The following MAP3K13 variants were observed in gnomAD, a reference collection of about 807,000 sequenced individuals.
MAP3K13 encodes mitogen-activated protein kinase kinase kinase 13, also known as leucine zipper-bearing kinase.
In MAP3K13, 52 loss-of-function variants were observed where a neutral mutation model predicts 104.0. The observed-to-expected ratio is 0.50, with a 90% CI of 0.40 to 0.63. The LOEUF is 0.63. MAP3K13 is among the 20% of genes least tolerant of loss of function. The probability of loss-of-function intolerance (pLI) is 0.00; values close to 1 mark genes in which losing one functional copy is unlikely to be tolerated. For missense variants in MAP3K13, 914 were observed against 1,218.5 expected (o/e 0.75, Z 3.72); for synonymous variants, 394 against 442.2 (o/e 0.89, Z 1.37).
intron 7 of MAP3K13, among the ~76,000 whole-genome samples, chr3:185,454,625 AGATATATATATGAGATATATATAT>A (rs1435136920): frequency 2.4e-5 from 1 of 42,056 alleles, no homozygotes; most frequent in Non-Finnish European, 6.1e-5. Flanking sequence ...TATATATATG[AGATATATATATGAGATATATATAT>A]GATATATATA....
chr3:185,453,700 C>T (rs1405142227), intron 7 of MAP3K13, among the ~76,000 whole-genome samples: 3 of 149,088 alleles, frequency 2.0e-5, no homozygotes, highest in East Asian at 2.0e-4. Flanking sequence ...ACCTGGGAGG[C>T]GGAGGATGCA....
At chr3:185,311,362 C>G (rs1445876691) in intron 2 of MAP3K13, among the ~76,000 whole-genome samples, 2 of 152,264 alleles carry the variant, frequency 1.3e-5, no homozygotes, top group Admixed American at 1.3e-4. Context: ...ATAAACCCAT[C>G]AGATCTCATA....
intron 7 of MAP3K13, among the ~76,000 whole-genome samples, chr3:185,458,872 C>T (rs1417585403): frequency 1.3e-5 from 2 of 152,320 alleles, no homozygotes; most frequent in Admixed American, 6.5e-5. Context: ...AACAAAGCAA[C>T]CGATTTCAAT....
chr3:185,310,739 A>G (rs1032772922), intron 2 of MAP3K13, among the ~76,000 whole-genome samples: 4 of 152,248 alleles, frequency 2.6e-5, no homozygotes, highest in African/African-American at 7.2e-5. Context: ...AAGGGAAAAA[A>G]AGATATATGA....
intron 2 of MAP3K13, among the ~76,000 whole-genome samples, chr3:185,434,117 A>G (rs1714896018): frequency 6.6e-6 from 1 of 152,192 alleles, no homozygotes; most frequent in South Asian, 2.1e-4. Context: ...TACAAAGGAA[A>G]TAATAGACAA....
intron 7 of MAP3K13, among the ~76,000 whole-genome samples, chr3:185,454,997 G>C (rs1156566499): frequency 7.2e-5 from 2 of 27,702 alleles, no homozygotes; most frequent in African/African-American, 1.8e-4. Flanking sequence ...AGATATATAT[G>C]ATATATATGA....
chr3:185,444,091 T>C (rs1370165863), intron 4 of MAP3K13, among the ~76,000 whole-genome samples: 1 of 152,124 alleles, frequency 6.6e-6, no homozygotes, highest in Non-Finnish European at 1.5e-5. Context: ...TCCTAGAACT[T>C]TGGGAGGCCA....
chr3:185,353,436 T>C (rs1723213250), intron 2 of MAP3K13, among the ~76,000 whole-genome samples: 1 of 152,230 alleles, frequency 6.6e-6, no homozygotes, highest in Admixed American at 6.5e-5. Flanking sequence ...GTTCGAACAG[T>C]TGGCTACATT....
At chr3:185,411,377 G>A (rs1713434880) in intron 1 of MAP3K13, among the ~76,000 whole-genome samples, 1 of 152,124 alleles carries the variant, frequency 6.6e-6, no homozygotes, top group African/African-American at 2.4e-5. Flanking sequence ...TCTTATTACT[G>A]TTATTTTGCA....
At chr3:185,327,071 G>T (rs2108701820) in intron 2 of MAP3K13, among the ~76,000 whole-genome samples, 1 of 152,254 alleles carries the variant, frequency 6.6e-6, no homozygotes, top group Non-Finnish European at 1.5e-5. Context: ...ACCAACATGG[G>T]TCTCACTAGG....
intron 1 of MAP3K13, among the ~76,000 whole-genome samples, chr3:185,367,827 C>A (rs1723961673): frequency 6.6e-6 from 1 of 152,220 alleles, no homozygotes; most frequent in Non-Finnish European, 1.5e-5. Flanking sequence ...AACTCCTGTG[C>A]TCAAGTGATC....
intron 2 of MAP3K13, among the ~76,000 whole-genome samples, chr3:185,313,769 T>C (rs1166835148): frequency 9.9e-5 from 15 of 151,970 alleles, no homozygotes; most frequent in Admixed American, 9.8e-4. Context: ...ATTGTGAAGT[T>C]AATGATAGAT....
Position 185,296,655 on chromosome 3 carries a change from G to A in MAP3K13, c.-86+11012G>A, listed in dbSNP as rs571510724. Among the ~76,000 whole-genome samples, 8 of 152,200 alleles carry A rather than the reference G, an allele frequency of 5.3e-5. No homozygotes were observed. In the South Asian group the frequency reaches 1.7e-3, roughly 32 times the overall value. On this transcript the variant is annotated intron_variant, in intron 2 of 14. Transcript: ENST00000424227. ...TCTCTGATTGGCATTCTCTTCATAG[G>A]TATTTTCCCCAGTGTTGAGAACAGT...
rs902931460 is a variant in MAP3K13, at chr3:185,437,579, C to T, written c.608C>T (p.Thr203Met). ...AIKKVREQNE[T>M]DIKHLRKLKH... is the part of the protein sequence containing the mutation. ...AAGAAAGTGAGAGAACAGAATGAGA[C>T]GGATATCAAGCATTTGAGGAAGTTG... The change falls in exon 3 of 14, where the codon ACG becomes ATG. Residue 203 changes from threonine to methionine, a missense_variant. Thr to Met is a moderately conservative substitution (Grantham distance 81). This residue lies in a region of MAP3K13 where 175 missense variants were observed against 321.3 expected (regional missense o/e 0.54). Transcript: ENST00000265026. The T allele has an allele frequency of 7.4e-6, 12 of 1,612,770 alleles. No homozygotes were observed. Among genetic ancestry groups the T allele is most frequent in the South Asian group, 2.2e-5 (2 of 91,028 alleles).
chr3:185,310,382 A>C (rs1205171925), intron 2 of MAP3K13, among the ~76,000 whole-genome samples: 1 of 152,260 alleles, frequency 6.6e-6, no homozygotes, highest in Admixed American at 6.5e-5. Context: ...AAAAAAACAC[A>C]ACCATTTTCA....
intron 1 of MAP3K13, among the ~76,000 whole-genome samples, chr3:185,411,444 C>T (rs747316891): frequency 3.9e-5 from 6 of 152,118 alleles, no homozygotes; most frequent in Non-Finnish European, 5.9e-5. Context: ...ATACTGACTT[C>T]TCAGGTAGAT....
intron 2 of MAP3K13, among the ~76,000 whole-genome samples, chr3:185,299,063 G>A (rs1721010491): frequency 6.6e-6 from 1 of 152,152 alleles, no homozygotes; most frequent in African/African-American, 2.4e-5. Flanking sequence ...CTTCTGTTTA[G>A]GATGTAGAAT....
chr3:185,418,677 T>G lies in MAP3K13; in HGVS notation c.-85-9820T>G. 1 of 1,611,756 alleles carries G rather than the reference T, an allele frequency of 6.2e-7. No homozygotes were observed. The highest frequency in any genetic ancestry group is 1.3e-5 in the African/African-American group (1 of 75,012). On this transcript the variant is annotated intron_variant, in intron 1 of 13. Transcript: ENST00000265026. This position sits in a 1 kb window ranked among gnomAD's most constrained non-coding sequence, Gnocchi z 4.5. ...TGGTGTGAACAAAGTTCACAATATC[T>G]GGTCGAATAGGAGCCTTGAATACAG...
At chr3:185,341,458 G>C (rs1409202701) in intron 2 of MAP3K13, among the ~76,000 whole-genome samples, 3 of 152,160 alleles carry the variant, frequency 2.0e-5, no homozygotes, top group Admixed American at 6.5e-5. Context: ...CTAGCCTCTA[G>C]AACTGTAAAA....
Sources: gnomAD v4.1 joint callset for allele counts (sites outside exome capture counted in the v4.1 genomes callset) on GRCh38, gnomAD v4.1.1 for gene constraint, gnomAD v4.1.1 regional missense constraint, Gnocchi (gnomAD v3.1) non-coding constraint, MANE v1.5 for transcripts, NCBI Gene and HGNC (gene_info 2026-07-23, HGNC 2026-07-21) for gene names.